Variants in BCL11B observed in about 807,000 individuals in gnomAD.
BCL11B encodes B-cell lymphoma/leukemia 11B.
In BCL11B, 8 loss-of-function variants were observed where a neutral mutation model predicts 49.9. The observed-to-expected ratio is 0.16, with a 90% CI of 0.09 to 0.29. The LOEUF is 0.29. BCL11B is among the 10% of genes least tolerant of loss of function. The pLI is 1.00. For synonymous variants in BCL11B, 739 were observed against 637.4 expected (o/e 1.16, Z -2.40); for missense variants, 1,006 against 1,351.0 (o/e 0.74, Z 4.00).
At position 99,257,796 on chromosome 14, in the gene BCL11B, C is replaced by T. The variant is rs769902986; in HGVS notation, c.102G>A (p.Glu34=). 3 of 1,563,662 alleles carry T rather than the reference C, an allele frequency of 1.9e-6. No individual in the cohort carries two copies. The highest frequency in any genetic ancestry group is 2.3e-5 in the East Asian group (1 of 44,136). The change falls in exon 2 of 4, where the codon GAG becomes GAA. Residue 34 remains glutamate (E), a synonymous_variant. Coordinates refer to ENST00000357195, the MANE Select transcript of BCL11B (RefSeq NM_138576.4). The surrounding 1 kb of genome is among the most constrained non-coding windows in gnomAD (Gnocchi z 6.2). The stretch of plus-strand genomic sequence containing the variant: ...CACTTGGCTCCTCTATCTCCAGACC[C>T]TCGTCTTCTTCGAGGATGGCGGCCT... ...HVEAAILEED[E]GLEIEEPSGL...
chr14:99,173,922 T>C lies in BCL11B; in HGVS notation c.*229A>G. The stretch of plus-strand genomic sequence containing the variant: ...CAAAAAAATTACAAAACCCAATAAA[T>C]ACAGAAATTATTGCACAGTTAAAAG... On this transcript the variant is annotated 3_prime_UTR_variant, in exon 4 of 4. Coordinates refer to ENST00000357195, the MANE Select transcript of BCL11B (RefSeq NM_138576.4). 1 of 555,052 alleles carries C rather than the reference T, an allele frequency of 1.8e-6. No homozygotes were observed. The highest frequency in any genetic ancestry group is 3.2e-6 in the Non-Finnish European group (1 of 315,570). The allele number at this position is 555,052 out of a possible 1,614,324, so 34.4% of individuals were successfully genotyped here.
intron 3 of BCL11B, among the ~76,000 whole-genome samples, chr14:99,188,845 G>A (rs1414134788): frequency 2.6e-5 from 4 of 152,256 alleles, no homozygotes; most frequent in Non-Finnish European, 5.9e-5. Context: ...CCGCCTGGCC[G>A]AGTCTGCTGT....
rs759209535 is a variant in BCL11B at position 99,174,334 on chromosome 14, C to T, written c.2502G>A (p.Ala834=). The T allele has an allele frequency of 1.1e-5, 18 of 1,613,436 alleles. No individual in the cohort carries two copies. The East Asian group carries it at 3.6e-4, about 32-fold the overall frequency. Residue 834 remains alanine (A), a synonymous_variant, in exon 4 of 4, where the codon GCG becomes GCA. Coordinates refer to ENST00000357195, the MANE Select transcript of BCL11B (RefSeq NM_138576.4). The part of the protein sequence containing the change: ...YKCELCNYAC[A]QSSKLTRHMK... ...TGTGGCGCGTGAGCTTGCTGCTCTG[C>T]GCGCACGCGTAGTTGCACAGCTCGC...
At chr14:99,179,623 G>C (rs1886643118) in intron 3 of BCL11B, among the ~76,000 whole-genome samples, 1 of 152,060 alleles carries the variant, frequency 6.6e-6, no homozygotes, top group African/African-American at 2.4e-5. Flanking sequence ...TGCCTGGAAA[G>C]CTCTTACTGG....
intron 3 of BCL11B, among the ~76,000 whole-genome samples, chr14:99,185,926 A>G (rs1886840189): frequency 6.6e-6 from 1 of 152,248 alleles, no homozygotes; most frequent in African/African-American, 2.4e-5. Context: ...CAACTTCTCA[A>G]CAACATTTAT....
Position 99,188,866 on chromosome 14 carries a change from T to G in BCL11B, c.641-12671A>C, listed in dbSNP as rs564035131. Among the ~76,000 whole-genome samples the G allele has an allele frequency of 9.2e-5, 14 of 152,360 alleles. No individual in the cohort carries two copies. The South Asian group carries it at 2.7e-3, about 29-fold the overall frequency. ...GGCCGAGTCTGCTGTCGGCCCAGGTTAACCAACTGCAGTGCTAGAGTAACT... is the reference window on the plus strand; with the variant it reads ...GGCCGAGTCTGCTGTCGGCCCAGGTGAACCAACTGCAGTGCTAGAGTAACT... On this transcript the variant is annotated intron_variant, in intron 3 of 3. Transcript: ENST00000357195.
rs1889196729 is a variant in BCL11B, at chr14:99,257,403, C to T, written c.427+68G>A. ...CTGGGCCTTCCCCTGCACCAGCACA[C>T]TCAGGCAGAGGGCATGGGACCCAGG... On this transcript the variant is annotated intron_variant, in intron 2 of 3. Transcript: ENST00000357195. The surrounding 1 kb of genome is among the most constrained non-coding windows in gnomAD (Gnocchi z 6.2). 3 of 1,528,030 alleles carry T rather than the reference C, an allele frequency of 2.0e-6. No homozygotes were observed. The allele number at this position is 1,528,030 out of a possible 1,614,324, so 94.7% of individuals were successfully genotyped here.
intron 3 of BCL11B, among the ~76,000 whole-genome samples, chr14:99,198,072 G>A (rs965995507): frequency 2.0e-5 from 3 of 152,354 alleles, no homozygotes; most frequent in Middle Eastern, 3.4e-3. Context: ...GGAAGTGGGA[G>A]GAGGAGCTAA....
At chr14:99,266,095 C>T (rs1175984223) in intron 1 of BCL11B, among the ~76,000 whole-genome samples, 2 of 152,226 alleles carry the variant, frequency 1.3e-5, no homozygotes, top group African/African-American at 4.8e-5. Context: ...CTCTAGCAAT[C>T]ACATACTCTT....
At chr14:99,190,571 A>G (rs1257860879) in intron 3 of BCL11B, among the ~76,000 whole-genome samples, 1 of 152,184 alleles carries the variant, frequency 6.6e-6, no homozygotes, top group Non-Finnish European at 1.5e-5. Context: ...GTGAAGTCCC[A>G]TTCCTAACAA....
rs1232898184 is a variant in BCL11B, at chr14:99,217,381, T to TACAGACACACACACACATACAGAC, written c.640+13963_640+13964insGTCTGTATGTGTGTGTGTGTCTGT. 4.5e-3 allele frequency among the ~76,000 whole-genome samples: 514 copies of TACAGACACACACACACATACAGAC among 115,354 alleles called. 2 individuals are homozygous for TACAGACACACACACACATACAGAC. The highest frequency in any genetic ancestry group is 0.017 in the African/African-American group (482 of 28,256). The allele number at this position is 115,354 out of a possible 152,430, so 75.7% of individuals were successfully genotyped here. A position where few individuals can be genotyped will look rare whatever the true frequency, so the allele number is the denominator to read the frequency against. ...TCACGAGTACAAATATACACACACA[T>TACAGACACACACACACATACAGAC]ACAGACACACACACACACACACACA... On this transcript the variant is annotated intron_variant, in intron 3 of 3. Transcript: ENST00000357195.
Position 99,192,098 on chromosome 14 carries a change from G to A in BCL11B, c.641-15903C>T, listed in dbSNP as rs1303746881. On this transcript the variant is annotated intron_variant, in intron 3 of 3. Coordinates refer to ENST00000357195, the MANE Select transcript of BCL11B (RefSeq NM_138576.4). This position sits in a 1 kb window ranked among gnomAD's most constrained non-coding sequence, Gnocchi z 4.0. ...CGGAATATTTTTAGAACAATCACTG[G>A]AGTGATTCTTCTTAGTTGTAGAAAC... 6.6e-6 allele frequency among the ~76,000 whole-genome samples: 1 copy of A among 152,182 alleles called. No individual in the cohort carries two copies. The highest frequency in any genetic ancestry group is 2.4e-5 in the African/African-American group (1 of 41,440).
At chr14:99,246,757 T>G (rs1888855152) in intron 2 of BCL11B, among the ~76,000 whole-genome samples, 1 of 152,018 alleles carries the variant, frequency 6.6e-6, no homozygotes, top group Non-Finnish European at 1.5e-5. Flanking sequence ...GAGGCTGTCT[T>G]GCGGGCGGCG....
chr14:99,256,426 T>C (rs1889166017), intron 2 of BCL11B, among the ~76,000 whole-genome samples: 1 of 152,202 alleles, frequency 6.6e-6, no homozygotes, highest in Admixed American at 6.5e-5. Flanking sequence ...CTCGGACCCA[T>C]GAAGTGGCTA....
intron 3 of BCL11B, among the ~76,000 whole-genome samples, chr14:99,208,875 C>T (rs186002583): frequency 5.6e-4 from 86 of 152,342 alleles, no homozygotes; most frequent in Non-Finnish European, 8.5e-4. Context: ...TCGTCCCTGC[C>T]CTCAGCTCCA....
intron 3 of BCL11B, among the ~76,000 whole-genome samples, chr14:99,221,560 C>G (rs557410777): frequency 6.6e-6 from 1 of 152,256 alleles, no homozygotes; most frequent in Admixed American, 6.5e-5. Context: ...CTCACACCTG[C>G]CAGGTACAAG....
chr14:99,228,099 T>C lies in BCL11B; in HGVS notation c.640+3246A>G, dbSNP rs1888210781. Reference sequence around the variant, plus strand: ...TGCGGTAACAGGCACGCAATTAACCTGTGTGAAACACGTTTACACTGGGGT... The same window carrying C: ...TGCGGTAACAGGCACGCAATTAACCCGTGTGAAACACGTTTACACTGGGGT... On this transcript the variant is annotated intron_variant, in intron 3 of 3. Coordinates refer to ENST00000357195, the MANE Select transcript of BCL11B (RefSeq NM_138576.4). This position sits in a 1 kb window ranked among gnomAD's most constrained non-coding sequence, Gnocchi z 4.8. Among the ~76,000 whole-genome samples the C allele has an allele frequency of 6.6e-6, 1 of 152,214 alleles. No homozygotes were observed. The highest frequency in any genetic ancestry group is 1.5e-5 in the Non-Finnish European group (1 of 68,042).
intron 1 of BCL11B, among the ~76,000 whole-genome samples, chr14:99,266,705 C>T (rs760493647): frequency 2.6e-5 from 4 of 152,250 alleles, no homozygotes; most frequent in Admixed American, 6.5e-5. Flanking sequence ...GTAGCGGAGG[C>T]GCCAAGCCAT....
chr14:99,210,810 T>TG (rs771766879), intron 3 of BCL11B, among the ~76,000 whole-genome samples: 1 of 152,140 alleles, frequency 6.6e-6, no homozygotes, highest in Non-Finnish European at 1.5e-5. Context: ...GAGCCTGAGG[T>TG]GGGAACCCAG....
Sources: gnomAD v4.1 joint callset for allele counts (sites outside exome capture counted in the v4.1 genomes callset) on GRCh38, gnomAD v4.1.1 for gene constraint, Gnocchi (gnomAD v3.1) non-coding constraint, MANE v1.5 for transcripts, NCBI Gene and HGNC (gene_info 2026-07-23, HGNC 2026-07-21) for gene names.